The following ERMP1 variants were observed in gnomAD, a reference collection of about 807,000 sequenced individuals.
ERMP1 encodes endoplasmic reticulum metallopeptidase 1.
A neutral mutation model predicts 92.0 loss-of-function variants in ERMP1; 86 were observed. That is an observed-to-expected ratio of 0.93 (90% CI 0.79 to 1.12). The LOEUF is 1.12. ERMP1 is among the 50% of genes most tolerant of loss of function. ERMP1 has a pLI of 0.00. For synonymous variants in ERMP1, 530 were observed against 412.8 expected, an observed-to-expected ratio of 1.28 and a Z score of -3.44; for missense variants, 1,342 against 1,116.3, an observed-to-expected ratio of 1.20 and a Z score of -2.88.
Position 5,811,060 on chromosome 9 carries a change from GC to G in ERMP1, c.1327+50del. 3 of 1,289,782 alleles carry G rather than the reference GC, an allele frequency of 2.3e-6. 1 individual carries two copies. The highest frequency in any genetic ancestry group is 3.4e-6 in the Non-Finnish European group (3 of 895,340). 79.9% of individuals were successfully genotyped at this position (1,289,782 alleles called of 1,614,324 possible). On this transcript the variant is annotated intron_variant, in intron 7 of 14. Transcript: ENST00000339450. ...AAACAAACTGACTGAAAAACTTCAA[GC>G]ACATTCTACAGCAATGCCAGTATTT...
chr9:5,834,681 T>A (rs1356956560), upstream of ERMP1, among the ~76,000 whole-genome samples: 1 of 147,062 alleles, frequency 6.8e-6, no homozygotes, highest in African/African-American at 2.5e-5. Flanking sequence ...TAGCCCATGG[T>A]CATAACTATA....
At chr9:5,865,006 G>GT (rs753224968) in intron 5 of ERMP1, among the ~76,000 whole-genome samples, 29 of 152,244 alleles carry the variant, frequency 1.9e-4, no homozygotes, top group Admixed American at 9.2e-4. Flanking sequence ...GAAAAATCCT[G>GT]TATTTATGAA....
chr9:5,832,430 C>G (rs1829983466), intron 1 of ERMP1: 1 of 434,108 alleles, frequency 2.3e-6, no homozygotes, highest in Non-Finnish European at 4.0e-6. Context: ...GAAGGGCAGA[C>G]AGTGGAAAGC....
chr9:5,848,326 C>T (rs758632939), intron 6 of ERMP1, among the ~76,000 whole-genome samples: 6 of 152,090 alleles, frequency 3.9e-5, no homozygotes, highest in Admixed American at 6.6e-5. Context: ...GGAGTGGCCA[C>T]GAGATGCAGA....
rs1356212076 is a variant in ERMP1, at chr9:5,784,999, G to C, written c.*2145C>G. ...AATCTCAGAATCTACTAATGTGACA[G>C]ACAAACGGTATGCTTAACAGAGTCA... On this transcript the variant is annotated 3_prime_UTR_variant, in exon 15 of 15. Coordinates refer to ENST00000339450, the MANE Select transcript of ERMP1 (RefSeq NM_024896.3). 6.6e-6 allele frequency: 1 copy of C among 152,048 alleles called. No individual in the cohort carries two copies. Among genetic ancestry groups the C allele is most frequent in the Non-Finnish European group, 1.5e-5 (1 of 68,016 alleles). The allele number at this position is 152,048 out of a possible 1,614,324, so 9.4% of individuals were successfully genotyped here.
intron 6 of ERMP1, among the ~76,000 whole-genome samples, chr9:5,851,389 CACTATTTAAAG>C (rs1259137489): frequency 6.6e-6 from 1 of 152,114 alleles, no homozygotes; most frequent in Non-Finnish European, 1.5e-5. Context: ...GAATTAATTA[CACTATTTAAAG>C]ACTTTTCATC....
At chr9:5,844,588 TAC>T (rs1238188635) in intron 6 of ERMP1, among the ~76,000 whole-genome samples, 1 of 152,142 alleles carries the variant, frequency 6.6e-6, no homozygotes, top group Admixed American at 6.5e-5. Context: ...CAGAGAAGAT[TAC>T]AGTCAATCTT....
At chr9:5,861,717 G>GTTT (rs34804675) in intron 5 of ERMP1, among the ~76,000 whole-genome samples, 11,431 of 66,014 alleles carry the variant, frequency 0.17, 558 homozygotes, top group Non-Finnish European at 0.18. Context: ...GAGAGGAAGG[G>GTTT]TTTTTTTTTT....
chr9:5,809,071 G>A (rs1828984504), intron 8 of ERMP1, among the ~76,000 whole-genome samples: 1 of 151,852 alleles, frequency 6.6e-6, no homozygotes, highest in African/African-American at 2.4e-5. Flanking sequence ...GCCCCAGCTG[G>A]AGTGCAGTGG....
chr9:5,865,618 A>C (rs1226124063), intron 5 of ERMP1, among the ~76,000 whole-genome samples: 1 of 151,734 alleles, frequency 6.6e-6, no homozygotes, highest in Non-Finnish European at 1.5e-5. Flanking sequence ...GGATCACCTG[A>C]GGTCAGGAGT....
chr9:5,826,029 G>A (rs1829720374), intron 2 of ERMP1, among the ~76,000 whole-genome samples: 1 of 152,108 alleles, frequency 6.6e-6, no homozygotes, highest in Admixed American at 6.5e-5. Flanking sequence ...ATCAAAAAGG[G>A]CCCTTATCTG....
intron 10 of ERMP1, among the ~76,000 whole-genome samples, chr9:5,802,757 T>C (rs754946833): frequency 1.6e-4 from 24 of 152,156 alleles, no homozygotes; most frequent in Admixed American, 3.3e-4. Flanking sequence ...ACTGATTGAA[T>C]GACAGGGGAA....
intron 9 of ERMP1, 140 bp downstream of exon 9, chr9:5,805,471 A>G (rs909368621): frequency 1.4e-6 from 1 of 703,494 alleles, no homozygotes; most frequent in South Asian, 2.4e-5. Flanking sequence ...AAGGCATAAG[A>G]TAATTTGTGT....
At chr9:5,796,985 G>C (rs1253209525) in intron 13 of ERMP1, among the ~76,000 whole-genome samples, 1 of 152,078 alleles carries the variant, frequency 6.6e-6, no homozygotes, top group Non-Finnish European at 1.5e-5. Context: ...CAGGATATGA[G>C]AACTCTATAA....
At chr9:5,822,646 G>C (rs1238058199) in intron 4 of ERMP1, among the ~76,000 whole-genome samples, 1 of 152,122 alleles carries the variant, frequency 6.6e-6, no homozygotes, top group Non-Finnish European at 1.5e-5. Context: ...ACACACTCTT[G>C]AATATTAAAA....
chr9:5,801,232 A>C lies in ERMP1; in HGVS notation c.2011T>G (p.Phe671Val), dbSNP rs766445800. The C allele has an allele frequency of 3.1e-6, 5 of 1,613,932 alleles. No individual in the cohort carries two copies. In the Admixed American group the frequency reaches 5.0e-5, roughly 16 times the overall value. The change falls in exon 11 of 15, where the codon TTT (phenylalanine) becomes GTT (valine). Residue 671 changes from phenylalanine to valine, a missense_variant. Phe to Val is a conservative substitution (Grantham distance 50). Coordinates refer to ENST00000339450, the MANE Select transcript of ERMP1 (RefSeq NM_024896.3). ...GCAGGATTGGAGCTATATGGAAAAA[A>C]TGTTCCACTGCAAACAAGGAGGAAT... ...ITFLLVCSGTFFPYSSNPANP... is the reference protein window; with the variant it reads ...ITFLLVCSGTVFPYSSNPANP...
At position 5,850,427 on chromosome 9, in the gene ERMP1, A is replaced by AAAAG. The variant is rs142972934; in HGVS notation, n.3199+9040_3199+9041insCTTT. ...TCTCAAAAAAAAAAAAAAAAAAAAA[A>AAAAG]AAGAAGAAGAAGAAAAAAAGAAATA... On this transcript the variant is annotated intron_variant and non_coding_transcript_variant, in intron 6 of 6. Coordinates refer to the ERMP1 transcript ENST00000690753. 1.0e-4 allele frequency among the ~76,000 whole-genome samples: 15 copies of AAAAG among 144,648 alleles called. 1 individual carries two copies. In the East Asian group the frequency reaches 1.6e-3, roughly 15 times the overall value. 94.9% of individuals were successfully genotyped at this position (144,648 alleles called of 152,430 possible).
intron 2 of ERMP1, among the ~76,000 whole-genome samples, chr9:5,828,090 G>A (rs1413724442): frequency 2.0e-5 from 3 of 152,208 alleles, no homozygotes; most frequent in Non-Finnish European, 4.4e-5. Context: ...AATCACTTAA[G>A]GAGTTCAAGA....
At chr9:5,791,836 G>A (rs1454102094) in intron 13 of ERMP1, among the ~76,000 whole-genome samples, 2 of 152,164 alleles carry the variant, frequency 1.3e-5, no homozygotes, top group Middle Eastern at 3.2e-3. Flanking sequence ...AGAGATAAAT[G>A]AAAACCCATT....
Sources: gnomAD v4.1 joint callset for allele counts (sites outside exome capture counted in the v4.1 genomes callset) on GRCh38, gnomAD v4.1.1 for gene constraint, MANE v1.5 for transcripts, NCBI Gene and HGNC (gene_info 2026-07-23, HGNC 2026-07-21) for gene names.